AGBL1: variants seen among roughly 807,000 people sequenced by gnomAD.
AGBL1 encodes the protein AGBL carboxypeptidase 1.
In AGBL1, 130 loss-of-function variants were observed where a neutral mutation model predicts 118.9. The ratio of observed to expected loss-of-function variants is 1.09; its 90% confidence interval spans 0.95 to 1.26. The LOEUF (loss-of-function observed/expected upper bound fraction) is 1.26, where lower values mean the gene tolerates loss of function less well. AGBL1 is among the 50% of genes most tolerant of loss of function. The pLI is 0.00. For missense variants in AGBL1, 1,584 were observed against 1,298.1 expected, an observed-to-expected ratio of 1.22 and a Z score of -3.38; for synonymous variants, 555 against 478.9, an observed-to-expected ratio of 1.16 and a Z score of -2.08.
In AGBL1 at chr15:86,809,290, C is replaced by T. The variant is rs929051653; in HGVS notation, c.3159-97797C>T. ...ACTGGTTACTTAAAAGCTTTTACTA[C>T]CAAAGTCTTCCCCAGACAAATATGA... On this transcript the variant is annotated intron_variant, in intron 22 of 22. Coordinates refer to ENST00000614907, the MANE Select transcript of AGBL1 (RefSeq NM_001386094.1). 5.9e-5 allele frequency among the ~76,000 whole-genome samples: 9 copies of T among 152,054 alleles called. No individual in the cohort carries two copies. The South Asian group carries it at 6.2e-4, about 11-fold the overall frequency.
chr15:86,106,622 C>G (rs1897069030), intron 1 of AGBL1, among the ~76,000 whole-genome samples: 1 of 152,238 alleles, frequency 6.6e-6, no homozygotes, highest in South Asian at 2.1e-4. Context: ...GGACAGAACA[C>G]TTCCTTCATC....
At chr15:86,716,275 A>G (rs999751743) in intron 22 of AGBL1, among the ~76,000 whole-genome samples, 2 of 152,044 alleles carry the variant, frequency 1.3e-5, no homozygotes, top group African/African-American at 2.4e-5. Context: ...TGACTGCTAA[A>G]TACTCAACCC....
intron 20 of AGBL1, among the ~76,000 whole-genome samples, chr15:86,549,312 C>T (rs1215091837): frequency 6.6e-6 from 1 of 152,076 alleles, no homozygotes; most frequent in Non-Finnish European, 1.5e-5. Context: ...AATCAATCAA[C>T]AGAGAGTGGA....
At chr15:87,013,397 G>A (rs1270750078) in intron 24 of AGBL1, among the ~76,000 whole-genome samples, 1 of 152,092 alleles carries the variant, frequency 6.6e-6, no homozygotes, top group East Asian at 1.9e-4. Context: ...TGCTCACTGG[G>A]GTCCTGGTTG....
chr15:86,553,479 A>G (rs1051857357), intron 20 of AGBL1, among the ~76,000 whole-genome samples: 7 of 152,220 alleles, frequency 4.6e-5, no homozygotes, highest in Admixed American at 1.3e-4. Context: ...GGAGTTTCAT[A>G]TTGATCAAGC....
Position 86,501,998 on chromosome 15 carries a change from T to C in AGBL1, c.2556-20812T>C, listed in dbSNP as rs529888188. On this transcript the variant is annotated intron_variant, in intron 18 of 22. Coordinates refer to ENST00000614907, the MANE Select transcript of AGBL1 (RefSeq NM_001386094.1). ...TAAAAAAACCCAGATGGACTTATGA[T>C]AGAGATTGTGTTGAAACTGTAGATC... Among the ~76,000 whole-genome samples the C allele has an allele frequency of 7.2e-5, 11 of 151,730 alleles. No individual in the cohort carries two copies. The South Asian group carries it at 2.3e-3, about 31-fold the overall frequency.
intron 8 of AGBL1, 97 bp downstream of exon 8, chr15:86,257,115 AG>A: frequency 7.7e-7 from 1 of 1,298,888 alleles, no homozygotes; most frequent in South Asian, 1.5e-5. Context: ...GTTATTTTAT[AG>A]GTCAACCATA....
At chr15:86,998,314 A>T (rs561013085) in intron 24 of AGBL1, among the ~76,000 whole-genome samples, 9 of 152,204 alleles carry the variant, frequency 5.9e-5, no homozygotes, top group Non-Finnish European at 1.3e-4. Context: ...TTAGTAAGGC[A>T]AGTTGCCATC....
chr15:86,873,622 A>G (rs1225447030), intron 22 of AGBL1, among the ~76,000 whole-genome samples: 1 of 152,158 alleles, frequency 6.6e-6, no homozygotes, highest in Non-Finnish European at 1.5e-5. Context: ...TCCTTTGCCC[A>G]TTCCACCATG....
chr15:86,441,109 C>A lies in AGBL1; in HGVS notation c.2555+43563C>A, dbSNP rs552016189. ...CTCAAGAAAGATGATTTTCTCAAAT[C>A]TGGTAGGTGAAGGCTTGCTGGCAAG... is the stretch of plus-strand genomic sequence containing the variant. On this transcript the variant is annotated intron_variant, in intron 18 of 22. Transcript: ENST00000614907. 3.3e-5 allele frequency among the ~76,000 whole-genome samples: 5 copies of A among 152,268 alleles called. No individual in the cohort carries two copies. The East Asian group carries it at 9.6e-4, about 29-fold the overall frequency.
chr15:87,013,791 G>A (rs2081584508), intron 24 of AGBL1, among the ~76,000 whole-genome samples: 1 of 127,866 alleles, frequency 7.8e-6, no homozygotes, highest in Non-Finnish European at 1.7e-5. Flanking sequence ...TTAGTGACTT[G>A]TTTAAATTTA....
At chr15:86,821,999 T>A (rs1232975240) in intron 22 of AGBL1, among the ~76,000 whole-genome samples, 2 of 152,164 alleles carry the variant, frequency 1.3e-5, no homozygotes, top group Non-Finnish European at 2.9e-5. Flanking sequence ...TGACACTTCC[T>A]GAGAGATACA....
At chr15:86,474,681 C>T (rs2082529211) in intron 18 of AGBL1, among the ~76,000 whole-genome samples, 1 of 152,234 alleles carries the variant, frequency 6.6e-6, no homozygotes, top group Admixed American at 6.5e-5. Context: ...GCAGCAGAAA[C>T]CTCTGCAGAC....
At chr15:86,735,103 C>A (rs562333822) in intron 22 of AGBL1, among the ~76,000 whole-genome samples, 1 of 151,776 alleles carries the variant, frequency 6.6e-6, no homozygotes, top group Non-Finnish European at 1.5e-5. Flanking sequence ...TTATTTAAGA[C>A]GGAGTTCCAC....
intron 17 of AGBL1, among the ~76,000 whole-genome samples, chr15:86,336,144 C>T (rs1595984091): frequency 6.6e-6 from 1 of 152,172 alleles, no homozygotes. Flanking sequence ...ATAGAGTGCC[C>T]TAGGCATTTA....
At chr15:86,276,349 T>G (rs1315849250) in intron 15 of AGBL1, among the ~76,000 whole-genome samples, 1 of 152,222 alleles carries the variant, frequency 6.6e-6, no homozygotes, top group Non-Finnish European at 1.5e-5. Flanking sequence ...TGAATCCTGT[T>G]TACTATACTT....
chr15:86,642,946 G>A (rs1371531386), intron 21 of AGBL1, among the ~76,000 whole-genome samples: 2 of 152,094 alleles, frequency 1.3e-5, no homozygotes, highest in African/African-American at 2.4e-5. Context: ...AATATACCAG[G>A]ATGGTAAATA....
chr15:86,667,250 GTATGTATCTATC>G (rs1256718248), intron 21 of AGBL1, among the ~76,000 whole-genome samples: 8 of 138,150 alleles, frequency 5.8e-5, no homozygotes, highest in African/African-American at 2.2e-4. Context: ...ATGTATGTAT[GTATGTATCTATC>G]TATCTATCTG....
intron 22 of AGBL1, among the ~76,000 whole-genome samples, chr15:86,859,062 C>G (rs1321787347): frequency 1.3e-5 from 2 of 152,172 alleles, no homozygotes; most frequent in Admixed American, 1.3e-4. Flanking sequence ...TCAGCACTAG[C>G]CTGTTTTGCT....
Sources: gnomAD v4.1 joint callset for allele counts (sites outside exome capture counted in the v4.1 genomes callset) on GRCh38, gnomAD v4.1.1 for gene constraint, MANE v1.5 for transcripts, NCBI Gene and HGNC (gene_info 2026-07-23, HGNC 2026-07-21) for gene names.